PDE12: variants seen among roughly 807,000 people sequenced by gnomAD.
The protein encoded by PDE12 is 2',5'-phosphodiesterase 12.
Under a neutral mutation model 45.4 loss-of-function variants are expected in PDE12, and 26 were observed. That is an observed-to-expected ratio of 0.57 (90% CI 0.42 to 0.79). PDE12 has a LOEUF of 0.79. Ranked by LOEUF, PDE12 falls within the 30% of genes least tolerant of loss-of-function variation. The pLI is 0.00. For missense variants in PDE12, 668 were observed against 790.0 expected (o/e 0.85, Z 1.85); for synonymous variants, 283 against 323.9 (o/e 0.87, Z 1.36).
At chr3:57,600,590 C>T in the PDE12 span, among the ~76,000 whole-genome samples, 2 of 151,642 alleles carry the variant, frequency 1.3e-5, no homozygotes, top group African/African-American at 4.8e-5. Context: ...GTAGAGTTGG[C>T]GTTTTGTAGA....
At chr3:57,612,699 A>C in the PDE12 span, among the ~76,000 whole-genome samples, 1 of 151,554 alleles carries the variant, frequency 6.6e-6, no homozygotes, top group Non-Finnish European at 1.5e-5. Flanking sequence ...TGAACCGGGG[A>C]AGTGGAGGTT....
the PDE12 span, among the ~76,000 whole-genome samples, chr3:57,602,147 A>T: frequency 6.6e-6 from 1 of 152,134 alleles, no homozygotes; most frequent in Non-Finnish European, 1.5e-5. Flanking sequence ...CACTTACAAT[A>T]TGCCATTGTA....
At chr3:57,578,168 T>C in the PDE12 span, among the ~76,000 whole-genome samples, 5 of 152,174 alleles carry the variant, frequency 3.3e-5, no homozygotes, top group Non-Finnish European at 7.3e-5. Flanking sequence ...CTACAGTTTT[T>C]ATCTGCTTCA....
the PDE12 span, among the ~76,000 whole-genome samples, chr3:57,613,900 C>CAAAAAAAAAAAAAAAAAAAA: frequency 3.4e-5 from 2 of 59,448 alleles, no homozygotes; most frequent in African/African-American, 7.6e-5. Flanking sequence ...GACTCCATCT[C>CAAAAAAAAAAAAAAAAAAAA]AAAAAAAAAA....
At chr3:57,608,545 C>A in the PDE12 span, among the ~76,000 whole-genome samples, 4 of 151,920 alleles carry the variant, frequency 2.6e-5, no homozygotes, top group African/African-American at 9.6e-5. Flanking sequence ...GGAGGAAGAT[C>A]TGCCAAGCAA....
At chr3:57,572,211 T>C in the PDE12 span, 3 of 1,612,294 alleles carry the variant, frequency 1.9e-6, no homozygotes, top group Non-Finnish European at 1.7e-6. Context: ...TCCAATTTCA[T>C]TTAACGTTTT....
chr3:57,578,992 C>T, the PDE12 span, among the ~76,000 whole-genome samples: 1 of 152,184 alleles, frequency 6.6e-6, no homozygotes, highest in East Asian at 1.9e-4. Flanking sequence ...TTGTCTTGCA[C>T]TACTGATTTA....
At chr3:57,615,455 C>G in the PDE12 span, among the ~76,000 whole-genome samples, 1 of 151,622 alleles carries the variant, frequency 6.6e-6, no homozygotes, top group Non-Finnish European at 1.5e-5. Context: ...CCTTGAGTAA[C>G]TAAAAAAAGA....
At chr3:57,587,574 T>C in the PDE12 span, among the ~76,000 whole-genome samples, 11 of 152,020 alleles carry the variant, frequency 7.2e-5, no homozygotes, top group African/African-American at 2.4e-4. Flanking sequence ...AGAAAAAAAA[T>C]TGTCCAAGCA....
the PDE12 span, among the ~76,000 whole-genome samples, chr3:57,639,131 A>G: frequency 2.6e-5 from 4 of 152,190 alleles, no homozygotes; most frequent in African/African-American, 9.6e-5. Context: ...ATTTAAATAG[A>G]CATTTCACCA....
chr3:57,612,081 G>A, the PDE12 span, among the ~76,000 whole-genome samples: 5 of 151,594 alleles, frequency 3.3e-5, no homozygotes, highest in South Asian at 2.1e-4. Flanking sequence ...GTGAGTTCAC[G>A]TCCTTTATAG....
At chr3:57,614,524 T>TTTTTTTTGTTTTG in the PDE12 span, among the ~76,000 whole-genome samples, 8 of 95,982 alleles carry the variant, frequency 8.3e-5, 1 homozygote, top group East Asian at 8.0e-4. Context: ...CTGTAATCCG[T>TTTTTTTTGTTTTG]TTTTTTTTTT....
the PDE12 span, chr3:57,597,579 A>G: frequency 6.3e-6 from 1 of 159,708 alleles, no homozygotes; most frequent in Non-Finnish European, 1.4e-5. Context: ...TGGCCCCAGG[A>G]GCCGGGAGAG....
chr3:57,581,200 CT>C, the PDE12 span, among the ~76,000 whole-genome samples: 2 of 152,100 alleles, frequency 1.3e-5, no homozygotes, highest in Non-Finnish European at 2.9e-5. Flanking sequence ...GCTATAGTTT[CT>C]TTTAAATTTT....
At chr3:57,639,151 G>C in the PDE12 span, among the ~76,000 whole-genome samples, 1 of 152,102 alleles carries the variant, frequency 6.6e-6, no homozygotes. Context: ...AAAGATATAT[G>C]AATGAAAGGA....
chr3:57,630,453 C>T, the PDE12 span: 1 of 1,595,376 alleles, frequency 6.3e-7, no homozygotes, highest in Non-Finnish European at 8.5e-7. Context: ...TGGAGTGCCT[C>T]CAATTTTTGG....
the PDE12 span, among the ~76,000 whole-genome samples, chr3:57,623,636 G>A: frequency 1.3e-5 from 2 of 152,274 alleles, no homozygotes; most frequent in East Asian, 1.9e-4. Context: ...CTGAGATGGC[G>A]CCATTGCACT....
the PDE12 span, among the ~76,000 whole-genome samples, chr3:57,595,314 A>G: frequency 6.6e-6 from 1 of 152,248 alleles, no homozygotes; most frequent in African/African-American, 2.4e-5. Flanking sequence ...ACATAACCAT[A>G]TATTGTTAAA....
chr3:57,655,475 G>A, the PDE12 span, among the ~76,000 whole-genome samples: 1 of 152,196 alleles, frequency 6.6e-6, no homozygotes, highest in Admixed American at 6.5e-5. Flanking sequence ...CATCCCTAAT[G>A]TGAAAATCTA....
Sources: gnomAD v4.1 joint callset for allele counts (sites outside exome capture counted in the v4.1 genomes callset) on GRCh38, gnomAD v4.1.1 for gene constraint, MANE v1.5 for transcripts, NCBI Gene and HGNC (gene_info 2026-07-23, HGNC 2026-07-21) for gene names.